Variants in LRRTM4 observed in about 807,000 individuals in gnomAD.
The protein encoded by LRRTM4 is leucine rich repeat transmembrane neuronal 4, also known as leucine-rich repeat transmembrane neuronal protein 4.
LRRTM4 carries 25 observed loss-of-function variants against 47.6 expected under a neutral mutation model. The ratio of observed to expected loss-of-function variants is 0.53; its 90% CI spans 0.38 to 0.73. The LOEUF (loss-of-function observed/expected upper bound fraction) is 0.73, where lower values mean the gene tolerates loss of function less well. Ranked by LOEUF, LRRTM4 falls within the 30% of genes least tolerant of loss-of-function variation. LRRTM4 has a pLI of 0.00. For missense variants in LRRTM4, 638 were observed against 713.4 expected (o/e 0.89, Z 1.20); for synonymous variants, 311 against 269.5 (o/e 1.15, Z -1.51).
At chr2:77,473,312 A>T (rs1381773337) in intron 3 of LRRTM4, among the ~76,000 whole-genome samples, 1 of 152,174 alleles carries the variant, frequency 6.6e-6, no homozygotes, top group Non-Finnish European at 1.5e-5. Context: ...AATGTTTATC[A>T]AGAAAATCAT....
intron 3 of LRRTM4, among the ~76,000 whole-genome samples, chr2:77,047,004 A>C (rs1378884288): frequency 6.6e-6 from 1 of 152,060 alleles, no homozygotes; most frequent in Non-Finnish European, 1.5e-5. Flanking sequence ...GTCCAATAAT[A>C]AAGATACATT....
At chr2:77,069,471 G>A (rs1328450324) in intron 3 of LRRTM4, among the ~76,000 whole-genome samples, 1 of 151,404 alleles carries the variant, frequency 6.6e-6, no homozygotes, top group Non-Finnish European at 1.5e-5. Context: ...AGAAGGATTT[G>A]TGGCAATTCT....
intron 3 of LRRTM4, among the ~76,000 whole-genome samples, chr2:77,323,333 T>C (rs1237414148): frequency 6.6e-6 from 1 of 152,140 alleles, no homozygotes; most frequent in Non-Finnish European, 1.5e-5. Context: ...GAGAACGTAA[T>C]GGGATCTAGC....
chr2:77,491,428 G>T (rs1678157587), intron 3 of LRRTM4, among the ~76,000 whole-genome samples: 1 of 151,760 alleles, frequency 6.6e-6, no homozygotes, highest in South Asian at 2.1e-4. Context: ...GATTAAAATG[G>T]CTCATCACAT....
intron 3 of LRRTM4, among the ~76,000 whole-genome samples, chr2:76,788,561 AAG>A (rs1285773572): frequency 1.3e-5 from 2 of 152,192 alleles, no homozygotes; most frequent in African/African-American, 2.4e-5. Flanking sequence ...AAGGAAAAAT[AAG>A]AGAGATAATT....
At chr2:77,002,067 C>T (rs539217848) in intron 3 of LRRTM4, among the ~76,000 whole-genome samples, 2 of 152,260 alleles carry the variant, frequency 1.3e-5, no homozygotes, top group South Asian at 2.1e-4. Context: ...ACATTTTACT[C>T]TCTTAGAATC....
intron 3 of LRRTM4, among the ~76,000 whole-genome samples, chr2:77,014,175 AGAG>A (rs1677973692): frequency 6.6e-6 from 1 of 152,110 alleles, no homozygotes; most frequent in Non-Finnish European, 1.5e-5. Flanking sequence ...GGGCGGATCA[AGAG>A]GAGTATACAA....
At chr2:77,318,357 A>G (rs1457395987) in intron 3 of LRRTM4, among the ~76,000 whole-genome samples, 1 of 152,184 alleles carries the variant, frequency 6.6e-6, no homozygotes, top group Non-Finnish European at 1.5e-5. Flanking sequence ...ATCAGTTGGC[A>G]TAAATTACAT....
intron 3 of LRRTM4, among the ~76,000 whole-genome samples, chr2:77,219,913 G>A (rs539731355): frequency 6.6e-6 from 1 of 152,284 alleles, no homozygotes; most frequent in African/African-American, 2.4e-5. Flanking sequence ...GCCTCCTCAA[G>A]TGGGTCCCTG....
At position 77,519,765 on chromosome 2, in the gene LRRTM4, G is replaced by A. The variant is rs1390627257; in HGVS notation, c.104C>T (p.Pro35Leu). 2 of 1,613,178 alleles carry A rather than the reference G, an allele frequency of 1.2e-6. No homozygotes were observed. The highest frequency in any genetic ancestry group is 8.5e-7 in the Non-Finnish European group (1 of 1,179,526). ...TTTGCCATCACATCTGCAGTTCTTT[G>A]GGCAAGCTCTCTGAGCACCCGTGAG... ...VMLTGAQRACPKNCRCDGKIV... is the reference protein window; with the variant it reads ...VMLTGAQRACLKNCRCDGKIV... The change falls in exon 3 of 4, where the codon CCA (proline) becomes CTA (leucine). Residue 35 changes from proline (P) to leucine (L), a missense_variant. By Grantham distance (98) the Pro-to-Leu change is moderately conservative. Coordinates refer to ENST00000409884, the MANE Select transcript of LRRTM4 (RefSeq NM_001134745.3). This position sits in a 1 kb window ranked among gnomAD's most constrained non-coding sequence, Gnocchi z 4.6.
intron 3 of LRRTM4, among the ~76,000 whole-genome samples, chr2:77,184,189 T>C (rs1673435752): frequency 6.6e-6 from 1 of 152,052 alleles, no homozygotes; most frequent in Admixed American, 6.6e-5. Flanking sequence ...TTCAACAATA[T>C]TTTTAATGAA....
Position 77,157,623 on chromosome 2 carries a change from C to T in LRRTM4, c.1551+360695G>A, listed in dbSNP as rs534563477. Among the ~76,000 whole-genome samples the T allele has an allele frequency of 2.3e-4, 35 of 152,214 alleles. 1 individual carries two copies. In the South Asian group the frequency reaches 6.6e-3, roughly 29 times the overall value. ...TACTTGCGGTCAGAGAAAGGAGTAA[C>T]ATTCTGCACTTGACTAGAAATAAAC... On this transcript the variant is annotated intron_variant, in intron 3 of 3. Transcript: ENST00000409884.
At chr2:76,780,140 C>T (rs549087142) in intron 3 of LRRTM4, among the ~76,000 whole-genome samples, 105 of 152,348 alleles carry the variant, frequency 6.9e-4, no homozygotes, top group African/African-American at 2.4e-3. Flanking sequence ...CGCTGTTAGT[C>T]TGATGGGCTT....
chr2:76,789,128 G>T (rs369240345), intron 3 of LRRTM4, among the ~76,000 whole-genome samples: 1 of 152,120 alleles, frequency 6.6e-6, no homozygotes, highest in Non-Finnish European at 1.5e-5. Flanking sequence ...AGCCCACGCT[G>T]CACTCACACT....
chr2:77,060,756 T>G (rs1191571358), intron 3 of LRRTM4, among the ~76,000 whole-genome samples: 1 of 152,178 alleles, frequency 6.6e-6, no homozygotes, highest in Non-Finnish European at 1.5e-5. Flanking sequence ...TATCTTAAGA[T>G]GCAACCTATG....
chr2:76,936,224 A>G (rs1349558361), intron 3 of LRRTM4, among the ~76,000 whole-genome samples: 1 of 152,156 alleles, frequency 6.6e-6, no homozygotes, highest in Non-Finnish European at 1.5e-5. Context: ...TAAAGAAAAT[A>G]TGGTGCATAT....
chr2:77,164,768 G>T (rs977390323), intron 3 of LRRTM4, among the ~76,000 whole-genome samples: 1 of 152,124 alleles, frequency 6.6e-6, no homozygotes, highest in African/African-American at 2.4e-5. Flanking sequence ...AAACCAGTGA[G>T]AACAAAGACA....
At chr2:77,322,291 T>A (rs190767369) in intron 3 of LRRTM4, among the ~76,000 whole-genome samples, 1 of 152,122 alleles carries the variant, frequency 6.6e-6, no homozygotes, top group African/African-American at 2.4e-5. Flanking sequence ...AATATCACTG[T>A]GTTATTTCAC....
chr2:77,078,184 T>C (rs1680407860), intron 3 of LRRTM4, among the ~76,000 whole-genome samples: 2 of 152,334 alleles, frequency 1.3e-5, no homozygotes, highest in South Asian at 4.1e-4. Context: ...ATAAGCCATC[T>C]GACATTTCAT....
Sources: allele counts gnomAD v4.1 joint callset (sites outside exome capture counted in the v4.1 genomes callset), GRCh38; gene constraint gnomAD v4.1.1; non-coding constraint Gnocchi (gnomAD v3.1); transcripts MANE v1.5; gene names NCBI Gene and HGNC (gene_info 2026-07-23, HGNC 2026-07-21).